DNMT3L: variants seen among roughly 807,000 people sequenced by gnomAD.
DNMT3L encodes DNA methyltransferase 3 like, also known as DNA (cytosine-5)-methyltransferase 3-like.
A neutral mutation model predicts 36.2 loss-of-function variants in DNMT3L; 33 were observed. The observed-to-expected ratio is 0.91, with a 90% confidence interval of 0.69 to 1.22. The LOEUF is 1.22. Among genes scored for constraint, DNMT3L ranks in the 50% most tolerant of loss-of-function variants. The pLI, the probability that DNMT3L is intolerant of heterozygous loss-of-function variation, is 0.00. For synonymous variants in DNMT3L, 117 were observed against 121.7 expected (o/e 0.96, Z 0.26); for missense variants, 310 against 303.1 (o/e 1.02, Z -0.17).
Position 44,256,170 on chromosome 21 carries a change from C to T in DNMT3L, c.517-16G>A. ...GGGGATTCTCCTATTTATTAAAAAA[C>T]CAAAACAGGACATTGTGCCGGCTAC... On this transcript the variant is annotated splice_polypyrimidine_tract_variant and intron_variant, in intron 6 of 11. Transcript: ENST00000628202. The T allele has an allele frequency of 1.2e-6, 2 of 1,613,418 alleles. No individual in the cohort carries two copies. Among genetic ancestry groups the T allele is most frequent in the Non-Finnish European group, 1.7e-6 (2 of 1,179,644 alleles).
At chr21:44,256,188 C>T in intron 6 of DNMT3L, 34 bp from the exon 7 acceptor site, 2 of 1,608,000 alleles carry the variant, frequency 1.2e-6, no homozygotes, top group Non-Finnish European at 1.7e-6. Flanking sequence ...GGACATTGTG[C>T]CGGCTACTTG....
At position 44,253,974 on chromosome 21, in the gene DNMT3L, T is replaced by C. The variant is rs537054647; in HGVS notation, c.693+643A>G. 6.0e-4 allele frequency among the ~76,000 whole-genome samples: 91 copies of C among 152,136 alleles called. 2 individuals carry two copies. The highest frequency in any genetic ancestry group is 3.7e-3 in the Admixed American group (57 of 15,290). On this transcript the variant is annotated intron_variant, in intron 8 of 11. Coordinates refer to ENST00000628202, the MANE Select transcript of DNMT3L (RefSeq NM_175867.3). Reference sequence around the variant, plus strand: ...AGGGTCTCCGAGTGCCGAAAAGGCATGGTGGGGTGGGGACAGCGGAGGTGA... The same window carrying C: ...AGGGTCTCCGAGTGCCGAAAAGGCACGGTGGGGTGGGGACAGCGGAGGTGA...
chr21:44,258,560 C>T lies in DNMT3L; in HGVS notation c.479G>A (p.Trp160Ter), dbSNP rs770483072. ...GTAGAAGGCCTTGAGCTGGCTGCGCCACTTCCTCCGACGCTGCAGCAGCCC... is the reference window on the plus strand; with the variant it reads ...GTAGAAGGCCTTGAGCTGGCTGCGCTACTTCCTCCGACGCTGCAGCAGCCC... ...RSGLLQRRRK[W>*]RSQLKAFYDR... is the part of the protein sequence containing the mutation. Residue 160 changes from tryptophan (W) to a stop codon, truncating the protein, a stop_gained, in exon 6 of 12, where the codon TGG becomes TAG. Transcript: ENST00000628202. LOFTEE classifies it high-confidence loss of function. The surrounding 1 kb of genome is among the most constrained non-coding windows in gnomAD (Gnocchi z 6.2). 3.1e-6 allele frequency: 5 copies of T among 1,599,566 alleles called. No homozygotes were observed. Among genetic ancestry groups the T allele is most frequent in the Non-Finnish European group, 4.3e-6 (5 of 1,173,672 alleles).
rs745906237 is a variant in DNMT3L, at chr21:44,258,881, G to C, written c.345-187C>G. 3.9e-5 allele frequency among the ~76,000 whole-genome samples: 6 copies of C among 152,096 alleles called. No individual in the cohort carries two copies. The highest frequency in any genetic ancestry group is 8.8e-5 in the Non-Finnish European group (6 of 68,010). ...CTAGAGACGCAGAGTGACAGGAGCCGAGCCAGGTGCAGAAGACAGGGAGGT... is the reference window on the plus strand; with the variant it reads ...CTAGAGACGCAGAGTGACAGGAGCCCAGCCAGGTGCAGAAGACAGGGAGGT... On this transcript the variant is annotated intron_variant, in intron 5 of 11. Transcript: ENST00000628202. The surrounding 1 kb of genome is among the most constrained non-coding windows in gnomAD (Gnocchi z 6.2).
rs1289532814 is a variant in DNMT3L at position 44,258,524 on chromosome 21, G to A, written c.515C>T (p.Ser172Leu). 28 of 1,561,620 alleles carry A rather than the reference G, an allele frequency of 1.8e-5. No individual in the cohort carries two copies. Among genetic ancestry groups the A allele is most frequent in the East Asian group, 2.4e-5 (1 of 42,060 alleles). Residue 172 changes from serine (S) to leucine (L), a missense_variant and splice_region_variant, in exon 6 of 12, where the codon TCG becomes TTG. Coordinates refer to ENST00000628202, the MANE Select transcript of DNMT3L (RefSeq NM_175867.3). The surrounding 1 kb of genome is among the most constrained non-coding windows in gnomAD (Gnocchi z 6.2). Reference protein sequence around the residue: ...SQLKAFYDRESENPLEMFETV... With the variant: ...SQLKAFYDRELENPLEMFETV... Reference sequence around the variant, plus strand: ...GCTGCCCCTCCACGGGCTCCTTACCGACTCTCGGTCGTAGAAGGCCTTGAG... The same window carrying A: ...GCTGCCCCTCCACGGGCTCCTTACCAACTCTCGGTCGTAGAAGGCCTTGAG...
Position 44,258,881 on chromosome 21 carries a change from G to A in DNMT3L, c.345-187C>T, listed in dbSNP as rs745906237. 4.6e-5 allele frequency among the ~76,000 whole-genome samples: 7 copies of A among 152,096 alleles called. No individual in the cohort carries two copies. Among genetic ancestry groups the A allele is most frequent in the Admixed American group, 3.9e-4 (6 of 15,278 alleles). ...CTAGAGACGCAGAGTGACAGGAGCCGAGCCAGGTGCAGAAGACAGGGAGGT... is the reference window on the plus strand; with the variant it reads ...CTAGAGACGCAGAGTGACAGGAGCCAAGCCAGGTGCAGAAGACAGGGAGGT... On this transcript the variant is annotated intron_variant, in intron 5 of 11. Coordinates refer to ENST00000628202, the MANE Select transcript of DNMT3L (RefSeq NM_175867.3). This position sits in a 1 kb window ranked among gnomAD's most constrained non-coding sequence, Gnocchi z 6.2.
At chr21:44,256,410 G>T (rs565306281) in intron 6 of DNMT3L, among the ~76,000 whole-genome samples, 68 of 149,162 alleles carry the variant, frequency 4.6e-4, no homozygotes, top group African/African-American at 1.6e-3. Flanking sequence ...GGTGTGGAGG[G>T]GTTTGCTGAT....
chr21:44,253,687 C>G (rs2040236307), intron 8 of DNMT3L, among the ~76,000 whole-genome samples: 1 of 152,164 alleles, frequency 6.6e-6, no homozygotes, highest in African/African-American at 2.4e-5. Context: ...CCACTACACT[C>G]TAGCCTGGGC....
At chr21:44,260,389 T>C (rs1170481284) in intron 3 of DNMT3L, among the ~76,000 whole-genome samples, 1 of 152,124 alleles carries the variant, frequency 6.6e-6, no homozygotes, top group Non-Finnish European at 1.5e-5. Flanking sequence ...CTAAAATACA[T>C]TAAACTATAT....
Position 44,261,200 on chromosome 21 carries a change from C to T in DNMT3L, c.60G>A (p.Val20=). 1 of 1,612,722 alleles carries T rather than the reference C, an allele frequency of 6.2e-7. No individual in the cohort carries two copies. The change falls in exon 2 of 12, where the codon GTG becomes GTA. Residue 20 remains valine, a synonymous_variant. Coordinates refer to ENST00000628202, the MANE Select transcript of DNMT3L (RefSeq NM_175867.3). ...EAEPSMDVIL[V]GSSELSSSVS... is the part of the protein sequence containing the mutation. ...CGGAGCTTGAGAGCTCACTGGATCC[C>T]ACCAAAATCACGTCCATGCTGGGCT...
chr21:44,258,205 C>T lies in DNMT3L; in HGVS notation c.516+318G>A, dbSNP rs1226078732. 6.6e-6 allele frequency among the ~76,000 whole-genome samples: 1 copy of T among 152,138 alleles called. No individual in the cohort carries two copies. Among genetic ancestry groups the T allele is most frequent in the Non-Finnish European group, 1.5e-5 (1 of 68,018 alleles). ...GCTGGACTCCCAAAACGGCCCACAC[C>T]TGGCCAGCAGAAGCCCAGGCACTTG... On this transcript the variant is annotated intron_variant, in intron 6 of 11. Coordinates refer to ENST00000628202, the MANE Select transcript of DNMT3L (RefSeq NM_175867.3). The surrounding 1 kb of genome is among the most constrained non-coding windows in gnomAD (Gnocchi z 6.2).
chr21:44,259,743 T>A, intron 3 of DNMT3L, 32 bp from the exon 4 acceptor site: 1 of 1,589,100 alleles, frequency 6.3e-7, no homozygotes, highest in Non-Finnish European at 8.6e-7. Context: ...CACTGTGTTT[T>A]CCCAGTGCTG....
rs142917827 is a variant in DNMT3L, at chr21:44,256,114, C to T, written c.557G>A (p.Arg186Lys). 2,838 of 1,613,964 alleles carry T rather than the reference C, an allele frequency of 1.8e-3. 4 individuals carry two copies. The highest frequency in any genetic ancestry group is 2.3e-3 in the Non-Finnish European group (2,657 of 1,179,998). ...LEMFETVPVW[R>K]RQPVRVLSLF... is the part of the protein sequence containing the mutation. ...GGACAGCACCCGGACTGGCTGTCTCCTCCACACAGGCACGGTTTCGAACAT... is the reference window on the plus strand; with the variant it reads ...GGACAGCACCCGGACTGGCTGTCTCTTCCACACAGGCACGGTTTCGAACAT... The change falls in exon 7 of 12, where the codon AGG becomes AAG. Residue 186 changes from arginine to lysine, a missense_variant. Physicochemically the swap from Arg to Lys is conservative, Grantham distance 26. Transcript: ENST00000628202.
At chr21:44,261,397 T>C in intron 1 of DNMT3L, 131 bp from the exon 2 acceptor site, 1 of 727,386 alleles carries the variant, frequency 1.4e-6, no homozygotes, top group African/African-American at 1.7e-5. Flanking sequence ...ACCCCCGCGG[T>C]GACACCCACC....
At chr21:44,257,033 C>G (rs1463367389) in intron 6 of DNMT3L, among the ~76,000 whole-genome samples, 1 of 152,168 alleles carries the variant, frequency 6.6e-6, no homozygotes, top group Admixed American at 6.5e-5. Flanking sequence ...GCTGCCTCAC[C>G]GGGGGCCACA....
At position 44,256,174 on chromosome 21, in the gene DNMT3L, A is replaced by T. The variant is rs766009785; in HGVS notation, c.517-20T>A. 19 of 1,612,948 alleles carry T rather than the reference A, an allele frequency of 1.2e-5. No individual in the cohort carries two copies. The highest frequency in any genetic ancestry group is 1.5e-5 in the Non-Finnish European group (18 of 1,179,364). On this transcript the variant is annotated intron_variant, in intron 6 of 11. Transcript: ENST00000628202. The stretch of plus-strand genomic sequence containing the variant: ...ATTCTCCTATTTATTAAAAAACCAA[A>T]ACAGGACATTGTGCCGGCTACTTGG...
At chr21:44,253,160 C>T (rs1369825742) in intron 8 of DNMT3L, among the ~76,000 whole-genome samples, 1 of 27,370 alleles carries the variant, frequency 3.7e-5, no homozygotes, top group Non-Finnish European at 7.8e-5. Flanking sequence ...CAGCAGGTGC[C>T]GTCCGCAGCC....
At chr21:44,253,367 G>T (rs1032946437) in intron 8 of DNMT3L, among the ~76,000 whole-genome samples, 15 of 142,290 alleles carry the variant, frequency 1.1e-4, no homozygotes, top group African/African-American at 4.0e-4. Flanking sequence ...AGGGGAGGCT[G>T]TGAGCAACAC....
Position 44,256,145 on chromosome 21 carries a change from G to A in DNMT3L, c.526C>T (p.Leu176Phe), listed in dbSNP as rs2040257317. The change falls in exon 7 of 12, where the codon CTT (leucine) becomes TTT (phenylalanine). Residue 176 changes from leucine to phenylalanine, a missense_variant. Leu to Phe is a conservative substitution (Grantham distance 22). Transcript: ENST00000628202. The stretch of plus-strand genomic sequence containing the variant: ...ACAGGCACGGTTTCGAACATCTCAA[G>A]GGGATTCTCCTATTTATTAAAAAAC... ...AFYDRESENPLEMFETVPVWR... is the reference protein window; with the variant it reads ...AFYDRESENPFEMFETVPVWR... 2.5e-6 allele frequency: 4 copies of A among 1,613,770 alleles called. No individual in the cohort carries two copies. Among genetic ancestry groups the A allele is most frequent in the Non-Finnish European group, 3.4e-6 (4 of 1,180,006 alleles).
Sources: gnomAD v4.1 joint callset for allele counts (sites outside exome capture counted in the v4.1 genomes callset) on GRCh38, gnomAD v4.1.1 for gene constraint, Gnocchi (gnomAD v3.1) non-coding constraint, MANE v1.5 for transcripts, NCBI Gene and HGNC (gene_info 2026-07-23, HGNC 2026-07-21) for gene names.